ADGRB3: variants seen among roughly 807,000 people sequenced by gnomAD.
ADGRB3 encodes the protein adhesion G protein-coupled receptor B3.
ADGRB3 carries 37 observed loss-of-function variants against 193.4 expected under a neutral mutation model. That is an observed-to-expected ratio of 0.19 (90% CI 0.15 to 0.25). ADGRB3 has a LOEUF of 0.25. ADGRB3 is among the 10% of genes least tolerant of loss of function. The pLI is 1.00. For missense variants in ADGRB3, 1,637 were observed against 1,852.9 expected, an observed-to-expected ratio of 0.88 and a Z score of 2.14; for synonymous variants, 690 against 644.2, an observed-to-expected ratio of 1.07 and a Z score of -1.08.
chr6:69,388,852 T>A lies in ADGRB3; in HGVS notation c.4530T>A (p.Pro1510=). 6.2e-7 allele frequency: 1 copy of A among 1,613,244 alleles called. No individual in the cohort carries two copies. Among genetic ancestry groups the A allele is most frequent in the Non-Finnish European group, 8.5e-7 (1 of 1,179,540 alleles). Residue 1510 remains proline, a synonymous_variant, in exon 32 of 32, where the codon CCT becomes CCA. Transcript: ENST00000370598. ...AGTGGGAGAAGTGTCTGAATTTGCCTCTGGATGTGCAAGAGGGTGACTTTC... is the reference window on the plus strand; with the variant it reads ...AGTGGGAGAAGTGTCTGAATTTGCCACTGGATGTGCAAGAGGGTGACTTTC... The part of the protein sequence containing the change: ...PAEWEKCLNL[P]LDVQEGDFQT...
At chr6:69,254,277 C>A (rs1325222404) in intron 20 of ADGRB3, among the ~76,000 whole-genome samples, 1 of 152,112 alleles carries the variant, frequency 6.6e-6, no homozygotes, top group African/African-American at 2.4e-5. Context: ...AAAACAGTTG[C>A]TCTTTTGCCT....
chr6:68,772,891 AAAAATATATATATATATAT>A (rs1349449140), intron 3 of ADGRB3, among the ~76,000 whole-genome samples: 25 of 35,850 alleles, frequency 7.0e-4, no homozygotes, highest in African/African-American at 2.4e-3. Context: ...ACAAAAAAAA[AAAAATATATATATATATAT>A]ATATATATAT....
chr6:68,743,644 G>A (rs527691329), intron 3 of ADGRB3, among the ~76,000 whole-genome samples: 5 of 152,084 alleles, frequency 3.3e-5, no homozygotes, highest in Non-Finnish European at 2.9e-5. Flanking sequence ...AAAGGAAATA[G>A]AAATTCCCCA....
intron 3 of ADGRB3, among the ~76,000 whole-genome samples, chr6:68,809,584 A>G (rs954172092): frequency 1.3e-5 from 2 of 152,188 alleles, no homozygotes; most frequent in Non-Finnish European, 2.9e-5. Context: ...CTCTACTTAC[A>G]TAGTTTAAAT....
At chr6:69,064,124 G>GA (rs1317667951) in intron 16 of ADGRB3, among the ~76,000 whole-genome samples, 1 of 151,718 alleles carries the variant, frequency 6.6e-6, no homozygotes, top group Non-Finnish European at 1.5e-5. Context: ...CTGATTTCCT[G>GA]AAAAAAATCA....
intron 20 of ADGRB3, among the ~76,000 whole-genome samples, chr6:69,303,229 T>C (rs1241593576): frequency 6.6e-6 from 1 of 151,630 alleles, no homozygotes; most frequent in Admixed American, 6.6e-5. Context: ...ACACTGAAAC[T>C]AAAGCAAATG....
intron 3 of ADGRB3, among the ~76,000 whole-genome samples, chr6:68,857,338 C>A (rs1440219158): frequency 6.6e-6 from 1 of 152,154 alleles, no homozygotes; most frequent in East Asian, 1.9e-4. Flanking sequence ...ACACTCAATG[C>A]CAACCCATGA....
chr6:68,948,024 G>A (rs373757410), intron 6 of ADGRB3, among the ~76,000 whole-genome samples: 5 of 152,110 alleles, frequency 3.3e-5, no homozygotes, highest in Admixed American at 2.6e-4. Flanking sequence ...TTAAGGAAGC[G>A]AGCGGCCTTT....
At chr6:69,268,347 A>C (rs914876480) in intron 20 of ADGRB3, among the ~76,000 whole-genome samples, 2 of 152,200 alleles carry the variant, frequency 1.3e-5, no homozygotes, top group South Asian at 4.1e-4. Context: ...TGCTGAGCTA[A>C]GTCCCCTCAA....
rs144546568 is a variant in ADGRB3 at position 68,725,538 on chromosome 6, G to A, written c.757+86106G>A. Among the ~76,000 whole-genome samples the A allele has an allele frequency of 1.0e-2, 1,516 of 151,776 alleles. 28 individuals carry two copies. Among genetic ancestry groups the A allele is most frequent in the African/African-American group, 0.033 (1,376 of 41,486 alleles). ...AAAAGGTATTGATGACCAGTTTGAT[G>A]TCAGAGGTGAGGAAAACAAGAACTT... On this transcript the variant is annotated intron_variant, in intron 3 of 31. Coordinates refer to ENST00000370598, the MANE Select transcript of ADGRB3 (RefSeq NM_001704.3).
rs1459915984 is a variant in ADGRB3 at position 68,898,821 on chromosome 6, G to A, written c.758-31738G>A. On this transcript the variant is annotated intron_variant, in intron 3 of 31. Transcript: ENST00000370598. ...ATCCATAACCTCAATCTAATCATGA[G>A]TAAAATATTAGGCAAATTCCAGTTG... 2.6e-5 allele frequency among the ~76,000 whole-genome samples: 4 copies of A among 152,078 alleles called. No homozygotes were observed. The East Asian group carries it at 7.7e-4, about 29-fold the overall frequency.
At chr6:69,347,453 A>ATT (rs555434978) in intron 26 of ADGRB3, among the ~76,000 whole-genome samples, 154 of 152,202 alleles carry the variant, frequency 1.0e-3, no homozygotes, top group Non-Finnish European at 1.1e-3. Context: ...CACATTTCAG[A>ATT]TTTTTTTGTT....
chr6:68,742,289 T>C (rs1452984388), intron 3 of ADGRB3, among the ~76,000 whole-genome samples: 1 of 152,202 alleles, frequency 6.6e-6, no homozygotes, highest in Non-Finnish European at 1.5e-5. Flanking sequence ...ACACTGTTTA[T>C]ATATTATGTC....
intron 17 of ADGRB3, among the ~76,000 whole-genome samples, chr6:69,081,224 A>G (rs1772377817): frequency 6.6e-6 from 1 of 151,954 alleles, no homozygotes; most frequent in Admixed American, 6.6e-5. Context: ...TTATAAAACT[A>G]TGTTATGCTT....
intron 3 of ADGRB3, among the ~76,000 whole-genome samples, chr6:68,876,102 C>A (rs1765587341): frequency 6.6e-6 from 1 of 152,036 alleles, no homozygotes; most frequent in African/African-American, 2.4e-5. Context: ...AATACTTATT[C>A]AATCAATAAA....
At chr6:68,904,967 G>A (rs1766501414) in intron 3 of ADGRB3, among the ~76,000 whole-genome samples, 1 of 152,084 alleles carries the variant, frequency 6.6e-6, no homozygotes, top group African/African-American at 2.4e-5. Context: ...GCATGTTTAT[G>A]CAATTGATTA....
chr6:69,208,437 A>G (rs560334606), intron 17 of ADGRB3, among the ~76,000 whole-genome samples: 2 of 152,312 alleles, frequency 1.3e-5, no homozygotes, highest in Admixed American at 6.5e-5. Context: ...GAATCAGTAT[A>G]TAATTACACA....
chr6:69,001,277 C>A (rs1314185284), intron 11 of ADGRB3, among the ~76,000 whole-genome samples: 1 of 152,164 alleles, frequency 6.6e-6, no homozygotes, highest in Non-Finnish European at 1.5e-5. Flanking sequence ...ATTAGAAAAA[C>A]CTTCCTGTCT....
In ADGRB3 at chr6:69,018,550, C is replaced by G. The variant is rs748693712; in HGVS notation, c.2107+51C>G. The G allele has an allele frequency of 1.2e-5, 14 of 1,182,088 alleles. No individual in the cohort carries two copies. The Admixed American group carries it at 2.3e-4, about 20-fold the overall frequency. 73.2% of individuals were successfully genotyped at this position (1,182,088 alleles called of 1,614,324 possible). A position where few individuals can be genotyped will look rare whatever the true frequency, so the allele number is the denominator to read the frequency against. ...ATCTTTCTGAAATAAAAAAAAATTG[C>G]AAGTATCTACACCATACGTTTCCAA... On this transcript the variant is annotated intron_variant, in intron 13 of 31. Transcript: ENST00000370598.
Sources: gnomAD v4.1 joint callset for allele counts (sites outside exome capture counted in the v4.1 genomes callset) on GRCh38, gnomAD v4.1.1 for gene constraint, MANE v1.5 for transcripts, NCBI Gene and HGNC (gene_info 2026-07-23, HGNC 2026-07-21) for gene names.